Variants in SPART observed in about 807,000 individuals in gnomAD.
SPART encodes the protein spartin.
In SPART, 35 loss-of-function variants were observed where a neutral mutation model predicts 58.7. The observed-to-expected ratio is 0.60, with a 90% CI of 0.46 to 0.79. SPART has a LOEUF of 0.79. Among genes scored for constraint, SPART ranks in the 30% least tolerant of loss-of-function variants. The pLI is 0.00. For missense variants in SPART, 730 were observed against 786.1 expected (o/e 0.93, Z 0.85); for synonymous variants, 284 against 280.7 (o/e 1.01, Z -0.12).
At chr13:36,342,661 T>C (rs763968293) in intron 1 of SPART, among the ~76,000 whole-genome samples, 1 of 152,172 alleles carries the variant, frequency 6.6e-6, no homozygotes, top group African/African-American at 2.4e-5. Context: ...CATTGCCAAA[T>C]GTACTTTGGG....
exon 1 of SPART, chr13:36,370,176 C>G (rs1385505758): frequency 6.6e-6 from 1 of 152,236 alleles, no homozygotes; most frequent in Non-Finnish European, 1.5e-5. Context: ...GGGGCTGGTA[C>G]TGGTGCTGAG....
intron 1 of SPART, among the ~76,000 whole-genome samples, chr13:36,342,464 C>G (rs1393303384): frequency 1.3e-5 from 2 of 152,194 alleles, no homozygotes; most frequent in Non-Finnish European, 2.9e-5. Context: ...TGACCCTGCA[C>G]TAGTTTACAG....
At chr13:36,346,089 G>C (rs1233303258) in intron 1 of SPART, 136 bp downstream of exon 1, 2 of 152,148 alleles carry the variant, frequency 1.3e-5, no homozygotes, top group Non-Finnish European at 2.9e-5. Context: ...TCTGAGACTC[G>C]GATGAGGTCC....
intron 5 of SPART, among the ~76,000 whole-genome samples, chr13:36,317,892 C>T (rs1331912938): frequency 2.6e-5 from 4 of 152,166 alleles, no homozygotes; most frequent in Non-Finnish European, 5.9e-5. Context: ...TTCCATCCTA[C>T]AAGATCTAAA....
Position 36,335,079 on chromosome 13 carries a change from A to C in SPART, c.752T>G (p.Val251Gly), listed in dbSNP as rs766063946. 3.7e-6 allele frequency: 6 copies of C among 1,614,048 alleles called. No homozygotes were observed. The African/African-American group carries it at 5.3e-5, about 14-fold the overall frequency. The change falls in exon 2 of 9, where the codon GTG (valine) becomes GGG (glycine). Residue 251 changes from valine to glycine, a missense_variant. Val to Gly is a moderately radical substitution (Grantham distance 109, BLOSUM62 -3). Coordinates refer to ENST00000438666, the MANE Select transcript of SPART (RefSeq NM_015087.5). ...ATCGAGAGAATTATCCAAAAACCTC[A>C]CAATTCGAAGGTACCCAGGATACGA... ...APSYPGYLRIVRFLDNSLDTV... is the reference protein window; with the variant it reads ...APSYPGYLRIGRFLDNSLDTV...
chr13:36,367,447 C>T (rs1353066364), intron 1 of SPART, among the ~76,000 whole-genome samples: 1 of 152,136 alleles, frequency 6.6e-6, no homozygotes, highest in Non-Finnish European at 1.5e-5. Context: ...ACACCGCCTC[C>T]TCCAGCCTCT....
chr13:36,313,317 T>C (rs916965186), intron 6 of SPART, among the ~76,000 whole-genome samples: 1 of 152,240 alleles, frequency 6.6e-6, no homozygotes, highest in Non-Finnish European at 1.5e-5. Context: ...AGACATTTCA[T>C]GGTCCCATAA....
chr13:36,335,682 A>G lies in SPART; in HGVS notation c.149T>C (p.Ile50Thr), dbSNP rs540649727. The G allele has an allele frequency of 6.2e-7, 1 of 1,614,072 alleles. No individual in the cohort carries two copies. The highest frequency in any genetic ancestry group is 2.2e-5 in the East Asian group (1 of 44,880). Residue 50 changes from isoleucine (I) to threonine (T), a missense_variant, in exon 2 of 9, where the codon ATA becomes ACA. By Grantham distance (89) the Ile-to-Thr change is moderately conservative. Transcript: ENST00000438666. ...GCTGATCCCTCTGAGCAGGTGTCCT[A>G]TTCCTTGCTTATAGTAGTTCTTTGC... Reference protein sequence around the residue: ...EEAKNYYKQGIGHLLRGISIS... With the variant: ...EEAKNYYKQGTGHLLRGISIS...
intron 1 of SPART, among the ~76,000 whole-genome samples, chr13:36,344,181 T>C (rs1259787330): frequency 6.6e-6 from 1 of 152,176 alleles, no homozygotes; most frequent in Non-Finnish European, 1.5e-5. Context: ...TGTCCCGTCG[T>C]AGAAAGTCAT....
intron 1 of SPART, chr13:36,368,463 A>C (rs1886151377): frequency 6.3e-6 from 1 of 159,244 alleles, no homozygotes; most frequent in Non-Finnish European, 1.4e-5. Flanking sequence ...AAAAATGAAA[A>C]AAACCTGCCA....
At chr13:36,314,492 C>T in intron 5 of SPART, 71 bp from the exon 6 acceptor site, 1 of 1,409,168 alleles carries the variant, frequency 7.1e-7, no homozygotes, top group Non-Finnish European at 1.0e-6. Flanking sequence ...TAATAAATAA[C>T]ATCAACCAGA....
Position 36,303,694 on chromosome 13 carries a change from A to T in SPART, c.*671T>A, listed in dbSNP as rs1470505901. On this transcript the variant is annotated 3_prime_UTR_variant, in exon 9 of 9. Coordinates refer to ENST00000438666, the MANE Select transcript of SPART (RefSeq NM_015087.5). ...TCATGTTCCCAAATTTCCTAGGCTC[A>T]TAACAATACAGTCTCAATACAAAAG... The T allele has an allele frequency of 1.3e-5, 2 of 152,686 alleles. No individual in the cohort carries two copies. Among genetic ancestry groups the T allele is most frequent in the Non-Finnish European group, 2.9e-5 (2 of 68,096 alleles). The allele number at this position is 152,686 out of a possible 1,614,324, so 9.5% of individuals were successfully genotyped here. A position where few individuals can be genotyped will look rare whatever the true frequency, so the allele number is the denominator to read the frequency against.
In SPART at chr13:36,335,824, G is replaced by C; in HGVS notation, c.7C>G (p.Gln3Glu). Residue 3 changes from glutamine (Q) to glutamate (E), a missense_variant, in exon 2 of 9, where the codon CAA becomes GAA. By Grantham distance (29) the Gln-to-Glu change is conservative (BLOSUM62 2). Transcript: ENST00000438666. ME[Q>E]EPQNGEPAEI... ...GCAGGTTCTCCATTTTGTGGCTCTTGCTCCATTTCTGCAAAATTGGAGACA... is the reference window on the plus strand; with the variant it reads ...GCAGGTTCTCCATTTTGTGGCTCTTCCTCCATTTCTGCAAAATTGGAGACA... The C allele has an allele frequency of 6.2e-7, 1 of 1,611,434 alleles. No homozygotes were observed.
Position 36,314,312 on chromosome 13 carries a change from G to T in SPART, c.1398C>A (p.Pro466=). 1 of 1,614,038 alleles carries T rather than the reference G, an allele frequency of 6.2e-7. No homozygotes were observed. The highest frequency in any genetic ancestry group is 1.3e-5 in the African/African-American group (1 of 75,012). ...TGGTGACAGCTGGACTAACTTCCAC[G>T]GGTTTTTCTTCTGGTTGAATCCGCT... ...LRERIQPEEK[P]VEVSPAVTKG... Residue 466 remains proline, a synonymous_variant, in exon 6 of 9, where the codon CCC becomes CCA. Transcript: ENST00000438666.
chr13:36,345,936 G>A (rs933444896), intron 1 of SPART, among the ~76,000 whole-genome samples: 2 of 152,132 alleles, frequency 1.3e-5, no homozygotes, highest in Non-Finnish European at 2.9e-5. Context: ...GAATCGAGCG[G>A]GAAGGATTCC....
At chr13:36,361,961 A>G (rs1183400811) in intron 1 of SPART, among the ~76,000 whole-genome samples, 1 of 152,220 alleles carries the variant, frequency 6.6e-6, no homozygotes, top group African/African-American at 2.4e-5. Flanking sequence ...GGTTGTCAGC[A>G]TGCTGTGCAA....
intron 1 of SPART, chr13:36,365,562 C>A: frequency 2.2e-6 from 1 of 463,644 alleles, no homozygotes; most frequent in South Asian, 1.6e-5. Context: ...CTATTGATAC[C>A]TACCCACTTC....
chr13:36,344,900 A>T (rs774432432), intron 1 of SPART, among the ~76,000 whole-genome samples: 5 of 152,190 alleles, frequency 3.3e-5, no homozygotes, highest in African/African-American at 4.8e-5. Flanking sequence ...CTAAATTCTA[A>T]TTTTTTAACG....
chr13:36,312,464 G>A lies in SPART; in HGVS notation c.1497C>T (p.Cys499=). ...KVSQFLVDGV[C]TVANCVGKEL... ...CTTTTCCAACGCAATTTGCTACAGTGCAAACTCCATCAACTAATATGACCA... is the reference window on the plus strand; with the variant it reads ...CTTTTCCAACGCAATTTGCTACAGTACAAACTCCATCAACTAATATGACCA... The change falls in exon 7 of 9, where the codon TGC becomes TGT. Residue 499 remains cysteine (C), a synonymous_variant. Coordinates refer to ENST00000438666, the MANE Select transcript of SPART (RefSeq NM_015087.5). 1 of 1,614,018 alleles carries A rather than the reference G, an allele frequency of 6.2e-7. No individual in the cohort carries two copies. Among genetic ancestry groups the A allele is most frequent in the Non-Finnish European group, 8.5e-7 (1 of 1,179,986 alleles).
Sources: gnomAD v4.1 joint callset for allele counts (sites outside exome capture counted in the v4.1 genomes callset) on GRCh38, gnomAD v4.1.1 for gene constraint, MANE v1.5 for transcripts, NCBI Gene and HGNC (gene_info 2026-07-23, HGNC 2026-07-21) for gene names.